GARRE1: variants seen among roughly 807,000 people sequenced by gnomAD.
The protein encoded by GARRE1 is granule associated Rac and RHOG effector protein 1.
Under a neutral mutation model 103.2 loss-of-function variants are expected in GARRE1, and 49 were observed. The ratio of observed to expected loss-of-function variants is 0.47; its 90% CI spans 0.38 to 0.60. The LOEUF is 0.60. Among genes scored for constraint, GARRE1 ranks in the 20% least tolerant of loss-of-function variants. The pLI is 0.00. For missense variants in GARRE1, 1,199 were observed against 1,370.5 expected (o/e 0.87, Z 1.98); for synonymous variants, 505 against 532.8 (o/e 0.95, Z 0.72).
intron 1 of GARRE1, among the ~76,000 whole-genome samples, chr19:34,284,692 G>A (rs989960754): frequency 2.6e-5 from 4 of 152,196 alleles, no homozygotes; most frequent in Non-Finnish European, 4.4e-5. Flanking sequence ...TTCACAATGC[G>A]TATTTATTTC....
At chr19:34,350,921 G>A (rs62122220) in intron 12 of GARRE1, among the ~76,000 whole-genome samples, 34,125 of 151,802 alleles carry the variant, frequency 0.22, 4,409 homozygotes, top group East Asian at 0.62. Context: ...AAAGCCGGCC[G>A]GACTCGGTGG....
At chr19:34,337,080 T>C (rs2074164515) in intron 8 of GARRE1, among the ~76,000 whole-genome samples, 1 of 142,148 alleles carries the variant, frequency 7.0e-6, no homozygotes. Flanking sequence ...AATTACAAAA[T>C]ACTGTATGTG....
chr19:34,280,485 T>C (rs570268153), intron 1 of GARRE1, among the ~76,000 whole-genome samples: 32 of 152,308 alleles, frequency 2.1e-4, no homozygotes, highest in Admixed American at 1.4e-3. Flanking sequence ...CCATATGTGA[T>C]TTATAAATAT....
chr19:34,345,221 G>A (rs2074205725), intron 10 of GARRE1, among the ~76,000 whole-genome samples: 1 of 152,192 alleles, frequency 6.6e-6, no homozygotes, highest in Non-Finnish European at 1.5e-5. Context: ...CTAAAGTGCT[G>A]GGATTACAGG....
In GARRE1 at chr19:34,273,323, T is replaced by C. The variant is rs146875139; in HGVS notation, c.-796+18709T>C. Among the ~76,000 whole-genome samples, 433 of 152,346 alleles carry C rather than the reference T, an allele frequency of 2.8e-3. 4 individuals are homozygous for C. Among genetic ancestry groups the C allele is most frequent in the African/African-American group, 9.8e-3 (406 of 41,584 alleles). The stretch of plus-strand genomic sequence containing the variant: ...TATCTAAAGCTCCAAGTATAATGCT[T>C]GGCACGTCATAGACACTTAGTGACT... On this transcript the variant is annotated intron_variant, in intron 1 of 13. Transcript: ENST00000299505.
At chr19:34,337,181 T>C (rs2074165064) in intron 8 of GARRE1, among the ~76,000 whole-genome samples, 1 of 151,812 alleles carries the variant, frequency 6.6e-6, no homozygotes, top group African/African-American at 2.4e-5. Context: ...TTTCACCAAA[T>C]ATTTACTGAA....
chr19:34,296,359 T>C (rs1353713164), intron 1 of GARRE1: 2 of 1,270,686 alleles, frequency 1.6e-6, no homozygotes, highest in East Asian at 4.6e-5. Flanking sequence ...TGGGCGCTGA[T>C]TTGATCCTTG....
intron 1 of GARRE1, among the ~76,000 whole-genome samples, chr19:34,268,629 GA>G (rs1018508351): frequency 7.2e-5 from 11 of 151,740 alleles, no homozygotes; most frequent in African/African-American, 2.4e-4. Context: ...AGTAATACTG[GA>G]TTTTTTTTTT....
At chr19:34,282,097 A>G (rs1174252733) in intron 1 of GARRE1, among the ~76,000 whole-genome samples, 2 of 151,098 alleles carry the variant, frequency 1.3e-5, no homozygotes, top group Non-Finnish European at 2.9e-5. Flanking sequence ...CATATTTCTT[A>G]TTTCCAAGAA....
At chr19:34,347,456 G>A (rs112172883) in intron 10 of GARRE1, among the ~76,000 whole-genome samples, 2,895 of 152,200 alleles carry the variant, frequency 0.019, 98 homozygotes, top group African/African-American at 0.066. Flanking sequence ...CGAACTTCTG[G>A]GCTCAAGCGA....
chr19:34,269,125 A>G (rs945927905), intron 1 of GARRE1, among the ~76,000 whole-genome samples: 2 of 152,206 alleles, frequency 1.3e-5, no homozygotes, highest in African/African-American at 4.8e-5. Context: ...GTAGATTACC[A>G]AATATAAAAG....
chr19:34,296,408 A>G, intron 1 of GARRE1: 1 of 1,558,062 alleles, frequency 6.4e-7, no homozygotes, highest in South Asian at 1.1e-5. Flanking sequence ...GTCCCTTGGC[A>G]GTGCGGGCAC....
chr19:34,330,427 G>A, intron 7 of GARRE1, 80 bp downstream of exon 7: 1 of 1,388,662 alleles, frequency 7.2e-7, no homozygotes. Flanking sequence ...AGACACATGT[G>A]TGAAAATATT....
chr19:34,280,525 AT>A (rs2073845526), intron 1 of GARRE1, among the ~76,000 whole-genome samples: 1 of 152,016 alleles, frequency 6.6e-6, no homozygotes, highest in Non-Finnish European at 1.5e-5. Context: ...TTTGCTTGTA[AT>A]GTCCTTTGAT....
At chr19:34,331,913 C>T (rs539029162) in intron 7 of GARRE1, among the ~76,000 whole-genome samples, 3 of 151,762 alleles carry the variant, frequency 2.0e-5, no homozygotes, top group South Asian at 4.2e-4. Context: ...ATCACTTGAA[C>T]CCAGGAGTCA....
At chr19:34,317,927 C>A (rs961924684) in intron 2 of GARRE1, among the ~76,000 whole-genome samples, 1 of 152,162 alleles carries the variant, frequency 6.6e-6, no homozygotes, top group African/African-American at 2.4e-5. Flanking sequence ...AGGTGCGCTG[C>A]CTTCGTGTCC....
chr19:34,323,780 A>T (rs974054095), intron 3 of GARRE1, among the ~76,000 whole-genome samples: 4 of 152,164 alleles, frequency 2.6e-5, no homozygotes, highest in Admixed American at 2.6e-4. Flanking sequence ...ACTCATGCTG[A>T]GGACCAGCCC....
chr19:34,344,776 T>A (rs2074203115), intron 10 of GARRE1, among the ~76,000 whole-genome samples: 1 of 151,356 alleles, frequency 6.6e-6, no homozygotes, highest in Admixed American at 6.6e-5. Context: ...TGGGCTCAAA[T>A]GATTCTCCTG....
chr19:34,290,874 C>CG (rs2073913611), intron 1 of GARRE1, among the ~76,000 whole-genome samples: 1 of 63,196 alleles, frequency 1.6e-5, no homozygotes, highest in Non-Finnish European at 2.8e-5. Context: ...AAGCATATTG[C>CG]TTTTTTTTTT....
Sources: gnomAD v4.1 joint callset for allele counts (sites outside exome capture counted in the v4.1 genomes callset) on GRCh38, gnomAD v4.1.1 for gene constraint, MANE v1.5 for transcripts, NCBI Gene and HGNC (gene_info 2026-07-23, HGNC 2026-07-21) for gene names.